The following GIMAP8 variants were observed in gnomAD, a reference collection of about 807,000 sequenced individuals.
GIMAP8 encodes the protein GTPase IMAP family member 8.
GIMAP8 carries 29 observed loss-of-function variants against 35.6 expected under a neutral mutation model. That is an observed-to-expected ratio of 0.81 (90% confidence interval 0.61 to 1.11). The LOEUF is 1.11. Ranked by LOEUF, GIMAP8 falls within the 50% of genes most tolerant of loss-of-function variation. GIMAP8 has a pLI of 0.00. For synonymous variants in GIMAP8, 335 were observed against 308.7 expected (o/e 1.09, Z -0.89); for missense variants, 811 against 805.0 (o/e 1.01, Z -0.09).
rs1802275146 is a variant in GIMAP8 at position 150,477,811 on chromosome 7, A to G, written c.*31A>G. 1 of 1,558,070 alleles carries G rather than the reference A, an allele frequency of 6.4e-7. No homozygotes were observed. Among genetic ancestry groups the G allele is most frequent in the Non-Finnish European group, 8.8e-7 (1 of 1,140,048 alleles). On this transcript the variant is annotated 3_prime_UTR_variant, in exon 5 of 5. Transcript: ENST00000307271. ...CGAAGTGCCTGGGGTCTCTTCAATT[A>G]GAGACACCCTCAGGTTGGGGGGAGG...
rs922535331 is a variant in GIMAP8 at position 150,459,312 on chromosome 7, G to A, written c.-28-7359G>A. 3.9e-5 allele frequency among the ~76,000 whole-genome samples: 6 copies of A among 152,314 alleles called. No homozygotes were observed. The East Asian group carries it at 1.2e-3, about 29-fold the overall frequency. ...CTTCTTGATGTTGATTGAGAGGCAT[G>A]AGGAGCCCAAAGTGGCCAGGTGGCA... On this transcript the variant is annotated intron_variant, in intron 1 of 4. Coordinates refer to ENST00000307271, the MANE Select transcript of GIMAP8 (RefSeq NM_175571.4).
chr7:150,453,939 G>C (rs1019897321), intron 1 of GIMAP8, among the ~76,000 whole-genome samples: 4 of 151,956 alleles, frequency 2.6e-5, no homozygotes, highest in Non-Finnish European at 5.9e-5. Context: ...TGGGGTGGGG[G>C]TGTCAGTGGG....
intron 4 of GIMAP8, among the ~76,000 whole-genome samples, chr7:150,475,089 G>A (rs932103782): frequency 6.6e-6 from 1 of 152,160 alleles, no homozygotes; most frequent in African/African-American, 2.4e-5. Context: ...ATTCCATGGT[G>A]TATATGTGCC....
At position 150,472,115 on chromosome 7, in the gene GIMAP8, G is replaced by A. The variant is rs1379737452; in HGVS notation, c.682+1241G>A. On this transcript the variant is annotated intron_variant, in intron 3 of 4. Coordinates refer to ENST00000307271, the MANE Select transcript of GIMAP8 (RefSeq NM_175571.4). This position sits in a 1 kb window ranked among gnomAD's most constrained non-coding sequence, Gnocchi z 4.1. Reference sequence around the variant, plus strand: ...CACACGTGTGACTGAACAAAAGTGCGTTTATTGACCTGTGGCTGTGAGGGC... The same window carrying A: ...CACACGTGTGACTGAACAAAAGTGCATTTATTGACCTGTGGCTGTGAGGGC... 6.6e-6 allele frequency among the ~76,000 whole-genome samples: 1 copy of A among 152,100 alleles called. No homozygotes were observed. Among genetic ancestry groups the A allele is most frequent in the Non-Finnish European group, 1.5e-5 (1 of 68,024 alleles).
At chr7:150,468,895 G>A (rs549523709) in intron 2 of GIMAP8, among the ~76,000 whole-genome samples, 2 of 152,256 alleles carry the variant, frequency 1.3e-5, no homozygotes, top group African/African-American at 2.4e-5. Flanking sequence ...AGGCTCAAGA[G>A]GGCTGAAGAC....
rs922729117 is a variant in GIMAP8, at chr7:150,474,226, G to C, written c.897G>C (p.Ser299=). ...GAAGCTGGAGAAAAAAGAAAGTTTC[G>C]ATCATTGATGCTCCGGACATCTCAT... The part of the protein sequence containing the change: ...ESRSWRKKKV[S]IIDAPDISSL... The change falls in exon 4 of 5, where the codon TCG becomes TCC. Residue 299 remains serine (S), a synonymous_variant. Transcript: ENST00000307271. The C allele has an allele frequency of 6.2e-7, 1 of 1,614,104 alleles. No individual in the cohort carries two copies. Among genetic ancestry groups the C allele is most frequent in the Admixed American group, 1.7e-5 (1 of 60,006 alleles).
At chr7:150,460,261 T>A (rs1329306190) in intron 1 of GIMAP8, among the ~76,000 whole-genome samples, 1 of 152,212 alleles carries the variant, frequency 6.6e-6, no homozygotes, top group African/African-American at 2.4e-5. Context: ...AATAAAATCT[T>A]CCTCTGCTGA....
At chr7:150,464,258 C>A (rs868837398) in intron 1 of GIMAP8, among the ~76,000 whole-genome samples, 1 of 152,124 alleles carries the variant, frequency 6.6e-6, no homozygotes, top group Non-Finnish European at 1.5e-5. Flanking sequence ...TCTTTGTAGA[C>A]GGCAGATCAT....
chr7:150,459,819 T>C (rs1039505868), intron 1 of GIMAP8, among the ~76,000 whole-genome samples: 3 of 152,222 alleles, frequency 2.0e-5, no homozygotes, highest in African/African-American at 7.2e-5. Context: ...TGGAAAATCA[T>C]GGCAATAGGT....
rs1802259186 is a variant in GIMAP8, at chr7:150,477,407, A to G, written c.1625A>G (p.Lys542Arg). 6.2e-7 allele frequency: 1 copy of G among 1,614,026 alleles called. No homozygotes were observed. The highest frequency in any genetic ancestry group is 1.3e-5 in the African/African-American group (1 of 74,948). The change falls in exon 5 of 5, where the codon AAA (lysine) becomes AGA (arginine). Residue 542 changes from lysine to arginine, a missense_variant. Transcript: ENST00000307271. ...CTGGGACGATTCACTGAAGAGGACA[A>G]AACAGCTGTGGCGAAACTGGAGGCC... ...FQLGRFTEED[K>R]TAVAKLEAIF...
Position 150,473,979 on chromosome 7 carries a change from AAGAG to A in GIMAP8, c.683-31_683-28del, listed in dbSNP as rs762484925. The A allele has an allele frequency of 3.2e-4, 503 of 1,575,118 alleles. No homozygotes were observed. In the African/African-American group the frequency reaches 5.6e-3, roughly 18 times the overall value. On this transcript the variant is annotated intron_variant, in intron 3 of 4. Transcript: ENST00000307271. ...GCCCACATCCATATTCAACTGCAGG[AAGAG>A]ACTCTGAACCTGTCCATTTGTCCCA... is the stretch of plus-strand genomic sequence containing the variant.
Position 150,477,596 on chromosome 7 carries a change from A to T in GIMAP8, c.1814A>T (p.Glu605Val). The change falls in exon 5 of 5, where the codon GAA becomes GTA. Residue 605 changes from glutamate (E) to valine (V), a missense_variant. Glu to Val is a moderately radical substitution (Grantham distance 121). Transcript: ENST00000307271. ...GRRVCAFNNK[E>V]TGQAQETQVK... is the part of the protein sequence containing the mutation. ...CGAGTTTGTGCTTTTAACAACAAAG[A>T]AACAGGCCAGGCCCAGGAAACCCAG... 6.2e-7 allele frequency: 1 copy of T among 1,614,224 alleles called. No individual in the cohort carries two copies. The highest frequency in any genetic ancestry group is 2.2e-5 in the East Asian group (1 of 44,886).
intron 3 of GIMAP8, among the ~76,000 whole-genome samples, chr7:150,471,356 C>T (rs1585118604): frequency 6.6e-6 from 1 of 152,184 alleles, no homozygotes; most frequent in Non-Finnish European, 1.5e-5. Context: ...ATAGTAGATG[C>T]AGTTTGTTTC....
Position 150,473,978 on chromosome 7 carries a change from G to A in GIMAP8, c.683-34G>A, listed in dbSNP as rs1563287093. Reference sequence around the variant, plus strand: ...TGCCCACATCCATATTCAACTGCAGGAAGAGACTCTGAACCTGTCCATTTG... The same window carrying A: ...TGCCCACATCCATATTCAACTGCAGAAAGAGACTCTGAACCTGTCCATTTG... On this transcript the variant is annotated intron_variant, in intron 3 of 4. Coordinates refer to ENST00000307271, the MANE Select transcript of GIMAP8 (RefSeq NM_175571.4). 1.9e-6 allele frequency: 3 copies of A among 1,574,416 alleles called. No homozygotes were observed. In the Admixed American group the frequency reaches 5.7e-5, roughly 30 times the overall value.
rs1276370863 is a variant in GIMAP8, at chr7:150,474,409, CA to C, written c.1081del (p.Ile361TyrfsTer9). 13 of 1,613,986 alleles carry C rather than the reference CA, an allele frequency of 8.1e-6. No homozygotes were observed. The highest frequency in any genetic ancestry group is 1.0e-5 in the Non-Finnish European group (12 of 1,179,894). ...GAGAAAAATTCTTTGAGTACATGAT[CA>C]TACTTCTTACCAGGAAAGAAGATTT... The part of the protein sequence containing the change: ...FGEKFFEYMI[I>X]LLTRKEDLGD... On this transcript the variant is annotated frameshift_variant, in exon 4 of 5. Coordinates refer to ENST00000307271, the MANE Select transcript of GIMAP8 (RefSeq NM_175571.4). LOFTEE classifies it high-confidence loss of function.
chr7:150,461,091 A>T (rs569734083), intron 1 of GIMAP8, among the ~76,000 whole-genome samples: 3 of 152,396 alleles, frequency 2.0e-5, no homozygotes, highest in Admixed American at 2.0e-4. Flanking sequence ...ATACCTAAGC[A>T]CCATTGGAGC....
intron 1 of GIMAP8, among the ~76,000 whole-genome samples, chr7:150,460,308 GTCTTCATGTTT>G (rs1247777858): frequency 6.6e-6 from 1 of 152,292 alleles, no homozygotes; most frequent in East Asian, 1.9e-4. Flanking sequence ...GGGACTAAAT[GTCTTCATGTTT>G]TCTTCATGTT....
rs1802110820 is a variant in GIMAP8, at chr7:150,472,286, G to A, written c.682+1412G>A. On this transcript the variant is annotated intron_variant, in intron 3 of 4. Transcript: ENST00000307271. The surrounding 1 kb of genome is among the most constrained non-coding windows in gnomAD (Gnocchi z 4.1). ...CAGGATGGATGCGCTTAGGAAGTGG[G>A]GGGTAGTTCCACAATGAAGTGTTTG... Among the ~76,000 whole-genome samples, 1 of 152,190 alleles carries A rather than the reference G, an allele frequency of 6.6e-6. No homozygotes were observed. Among genetic ancestry groups the A allele is most frequent in the Non-Finnish European group, 1.5e-5 (1 of 68,032 alleles).
intron 2 of GIMAP8, 140 bp from the exon 3 acceptor site, chr7:150,470,683 ACCAGGG>A (rs1802067104): frequency 1.6e-6 from 1 of 624,934 alleles, no homozygotes; most frequent in Admixed American, 2.9e-5. Flanking sequence ...AAAGACCATG[ACCAGGG>A]CCTTGATTTG....
Sources: gnomAD v4.1 joint callset for allele counts (sites outside exome capture counted in the v4.1 genomes callset) on GRCh38, gnomAD v4.1.1 for gene constraint, Gnocchi (gnomAD v3.1) non-coding constraint, MANE v1.5 for transcripts, NCBI Gene and HGNC (gene_info 2026-07-23, HGNC 2026-07-21) for gene names.